ABHD2: variants seen among roughly 807,000 people sequenced by gnomAD.
ABHD2 encodes the protein monoacylglycerol lipase ABHD2.
In ABHD2, 20 loss-of-function variants were observed where a neutral mutation model predicts 48.1. The ratio of observed to expected loss-of-function variants is 0.42; its 90% CI spans 0.29 to 0.60. The LOEUF (loss-of-function observed/expected upper bound fraction) is 0.60, where lower values mean the gene tolerates loss of function less well. ABHD2 is among the 20% of genes least tolerant of loss of function. The pLI is 0.24. For missense variants in ABHD2, 405 were observed against 550.9 expected, an observed-to-expected ratio of 0.74 and a Z score of 2.65; for synonymous variants, 209 against 214.2, an observed-to-expected ratio of 0.98 and a Z score of 0.21.
chr15:89,166,462 A>G lies in ABHD2; in HGVS notation c.539-9350A>G, dbSNP rs1027574336. ...GGGAGGAGGAAATCTTTAATGTCCA[A>G]CTGGGTTTAATACAGGAACTTTTTT... On this transcript the variant is annotated intron_variant, in intron 5 of 10. Transcript: ENST00000352732. The surrounding 1 kb of genome is among the most constrained non-coding windows in gnomAD (Gnocchi z 4.6). 2.6e-4 allele frequency among the ~76,000 whole-genome samples: 39 copies of G among 152,192 alleles called. No homozygotes were observed. Among genetic ancestry groups the G allele is most frequent in the African/African-American group, 9.2e-4 (38 of 41,446 alleles).
At chr15:89,051,106 G>A in the ABHD2 span, among the ~76,000 whole-genome samples, 9 of 152,242 alleles carry the variant, frequency 5.9e-5, no homozygotes, top group African/African-American at 1.7e-4. Context: ...GGTGGTGCGC[G>A]CCTGTAATCC....
rs934980296 is a variant in ABHD2 at position 89,166,199 on chromosome 15, G to A, written c.539-9613G>A. Among the ~76,000 whole-genome samples, 2 of 152,190 alleles carry A rather than the reference G, an allele frequency of 1.3e-5. No individual in the cohort carries two copies. Among genetic ancestry groups the A allele is most frequent in the East Asian group, 3.8e-4 (2 of 5,206 alleles). ...AATAACCTGGCTCTGGCTCCCCAAA[G>A]GTAACGAGTCCCTTAGGATCATGAG... On this transcript the variant is annotated intron_variant, in intron 5 of 10. Coordinates refer to ENST00000352732, the MANE Select transcript of ABHD2 (RefSeq NM_152924.5). The surrounding 1 kb of genome is among the most constrained non-coding windows in gnomAD (Gnocchi z 4.6).
rs1567112563 is a variant in ABHD2 at position 89,189,738 on chromosome 15, A to C, written c.927-1342A>C. Among the ~76,000 whole-genome samples the C allele has an allele frequency of 6.6e-6, 1 of 152,168 alleles. No individual in the cohort carries two copies. Among genetic ancestry groups the C allele is most frequent in the African/African-American group, 2.4e-5 (1 of 41,428 alleles). ...GTTCAGAAGGTGAAAAATGAATCTT[A>C]CCCACCCTCACTTCAGATGAAGTGT... is the stretch of plus-strand genomic sequence containing the variant. On this transcript the variant is annotated intron_variant, in intron 8 of 10. Transcript: ENST00000352732. This position sits in a 1 kb window ranked among gnomAD's most constrained non-coding sequence, Gnocchi z 4.9.
intron 3 of ABHD2, among the ~76,000 whole-genome samples, chr15:89,143,371 T>C (rs561960091): frequency 8.5e-5 from 13 of 152,344 alleles, no homozygotes; most frequent in African/African-American, 2.9e-4. Context: ...CTAATTCATT[T>C]TTTAAAAAAA....
In ABHD2 at chr15:89,176,044, T is replaced by C. The variant is rs890162854; in HGVS notation, c.722+49T>C. ...AGGGCCTTCAGTTAGCCCTTATTTA[T>C]AGAGATGCCCCGACGCACAACACAC... On this transcript the variant is annotated intron_variant, in intron 6 of 10. Transcript: ENST00000352732. The surrounding 1 kb of genome is among the most constrained non-coding windows in gnomAD (Gnocchi z 4.5). 7 of 1,525,216 alleles carry C rather than the reference T, an allele frequency of 4.6e-6. No homozygotes were observed. Among genetic ancestry groups the C allele is most frequent in the Non-Finnish European group, 6.2e-6 (7 of 1,129,536 alleles). The allele number at this position is 1,525,216 out of a possible 1,614,324, so 94.5% of individuals were successfully genotyped here. A position where few individuals can be genotyped will look rare whatever the true frequency, so the allele number is the denominator to read the frequency against.
chr15:89,143,934 A>G (rs1036085051), intron 3 of ABHD2, among the ~76,000 whole-genome samples: 1 of 152,084 alleles, frequency 6.6e-6, no homozygotes, highest in Non-Finnish European at 1.5e-5. Flanking sequence ...CCTGATTGGG[A>G]ATATAAAATG....
intron 3 of ABHD2, among the ~76,000 whole-genome samples, chr15:89,118,400 A>T (rs1332963799): frequency 1.3e-5 from 2 of 152,058 alleles, no homozygotes; most frequent in Non-Finnish European, 2.9e-5. Context: ...GCTGGTCTTG[A>T]ACTCCTGACC....
At chr15:89,127,249 G>A (rs1310695957) in intron 3 of ABHD2, among the ~76,000 whole-genome samples, 1 of 152,162 alleles carries the variant, frequency 6.6e-6, no homozygotes. Flanking sequence ...ATCATAGAGT[G>A]AGGGCTCTGG....
chr15:89,125,941 T>C (rs1216162240), intron 3 of ABHD2, among the ~76,000 whole-genome samples: 1 of 152,152 alleles, frequency 6.6e-6, no homozygotes, highest in African/African-American at 2.4e-5. Context: ...CTGAAAGATC[T>C]AAAAAAAGGT....
At position 89,106,051 on chromosome 15, in the gene ABHD2, C is replaced by T. The variant is rs1384557879; in HGVS notation, c.-106-7674C>T. Among the ~76,000 whole-genome samples, 20 of 152,232 alleles carry T rather than the reference C, an allele frequency of 1.3e-4. No individual in the cohort carries two copies. Among genetic ancestry groups the T allele is most frequent in the Non-Finnish European group, 2.1e-4 (14 of 68,020 alleles). ...AGTATTGGCCAGGTGCAGTAGCTCA[C>T]GCCTGTAATTCCAGCACTTTGGGAG... is the stretch of plus-strand genomic sequence containing the variant. On this transcript the variant is annotated intron_variant, in intron 1 of 10. Coordinates refer to ENST00000352732, the MANE Select transcript of ABHD2 (RefSeq NM_152924.5). This position sits in a 1 kb window ranked among gnomAD's most constrained non-coding sequence, Gnocchi z 4.2.
At chr15:89,190,749 G>C (rs2051289996) in intron 8 of ABHD2, among the ~76,000 whole-genome samples, 1 of 152,208 alleles carries the variant, frequency 6.6e-6, no homozygotes, top group African/African-American at 2.4e-5. Context: ...ATTTTATACA[G>C]GAGAAGCTGA....
At chr15:89,160,830 G>C (rs910626670) in intron 5 of ABHD2, among the ~76,000 whole-genome samples, 1 of 152,178 alleles carries the variant, frequency 6.6e-6, no homozygotes, top group Non-Finnish European at 1.5e-5. Flanking sequence ...TCAAAGTACA[G>C]TACACGACCA....
chr15:89,137,564 C>G lies in ABHD2; in HGVS notation c.195-14113C>G, dbSNP rs1347337892. Reference sequence around the variant, plus strand: ...CCAGTTCGGGAACGGAAGAGGATTGCTCTTTTGTTTCCTCAGGCCACTTTT... The same window carrying G: ...CCAGTTCGGGAACGGAAGAGGATTGGTCTTTTGTTTCCTCAGGCCACTTTT... On this transcript the variant is annotated intron_variant, in intron 3 of 10. Transcript: ENST00000352732. This position sits in a 1 kb window ranked among gnomAD's most constrained non-coding sequence, Gnocchi z 4.8. Among the ~76,000 whole-genome samples, 3 of 152,168 alleles carry G rather than the reference C, an allele frequency of 2.0e-5. No individual in the cohort carries two copies. Among genetic ancestry groups the G allele is most frequent in the African/African-American group, 7.2e-5 (3 of 41,426 alleles).
rs1376398993 is a variant in ABHD2 at position 89,197,777 on chromosome 15, C to T, written c.*2354C>T. On this transcript the variant is annotated 3_prime_UTR_variant, in exon 11 of 11. Coordinates refer to ENST00000352732, the MANE Select transcript of ABHD2 (RefSeq NM_152924.5). The surrounding 1 kb of genome is among the most constrained non-coding windows in gnomAD (Gnocchi z 4.4). Reference sequence around the variant, plus strand: ...GGGCTGGCAGCATAGCCTTTGTTGCCACACAACCGGAATTTGCTCCCCCAG... The same window carrying T: ...GGGCTGGCAGCATAGCCTTTGTTGCTACACAACCGGAATTTGCTCCCCCAG... 6.6e-6 allele frequency: 1 copy of T among 152,224 alleles called. No individual in the cohort carries two copies. Among genetic ancestry groups the T allele is most frequent in the Non-Finnish European group, 1.5e-5 (1 of 68,064 alleles). The allele number at this position is 152,224 out of a possible 1,614,324, so 9.4% of individuals were successfully genotyped here. A position where few individuals can be genotyped will look rare whatever the true frequency, so the allele number is the denominator to read the frequency against.
At chr15:89,042,589 TATTTATTTATTTATTTATTTATTTA>T in the ABHD2 span, among the ~76,000 whole-genome samples, 67 of 23,486 alleles carry the variant, frequency 2.9e-3, no homozygotes, top group Admixed American at 0.011. Context: ...CTTTCTTTCT[TATTTATTTATTTATTTATTTATTTA>T]TTTATTTATT....
the ABHD2 span, among the ~76,000 whole-genome samples, chr15:89,061,695 C>T: frequency 6.6e-6 from 1 of 152,034 alleles, no homozygotes; most frequent in South Asian, 2.1e-4. Context: ...ACCTCAGCCT[C>T]TCCAGTAGCT....
chr15:89,093,245 A>C (rs113134795), intron 1 of ABHD2, among the ~76,000 whole-genome samples: 17,685 of 139,358 alleles, frequency 0.13, 1,392 homozygotes, highest in South Asian at 0.32. Context: ...CAGTGGCGCA[A>C]TCTTGGCTCG....
At chr15:89,139,568 T>C (rs1050648978) in intron 3 of ABHD2, among the ~76,000 whole-genome samples, 2 of 152,082 alleles carry the variant, frequency 1.3e-5, no homozygotes, top group African/African-American at 4.8e-5. Flanking sequence ...AGAGCCAAAA[T>C]AAAATATAGG....
the ABHD2 span, among the ~76,000 whole-genome samples, chr15:89,048,099 G>A: frequency 6.6e-6 from 1 of 151,784 alleles, no homozygotes; most frequent in African/African-American, 2.4e-5. Context: ...GCCTGGTGGT[G>A]AGAAAATCTC....
Sources: allele counts gnomAD v4.1 joint callset (sites outside exome capture counted in the v4.1 genomes callset), GRCh38; gene constraint gnomAD v4.1.1; non-coding constraint Gnocchi (gnomAD v3.1); transcripts MANE v1.5; gene names NCBI Gene and HGNC (gene_info 2026-07-23, HGNC 2026-07-21).